The following STAT3 variants were observed in gnomAD, a reference collection of about 807,000 sequenced individuals.
The protein encoded by STAT3 is DNA-binding protein APRF.
A neutral mutation model predicts 114.3 loss-of-function variants in STAT3; 7 were observed. The observed-to-expected ratio is 0.06, with a 90% CI of 0.03 to 0.11. The LOEUF (loss-of-function observed/expected upper bound fraction) is 0.11, where lower values mean the gene tolerates loss of function less well. Ranked by LOEUF, STAT3 falls within the 10% of genes least tolerant of loss-of-function variation. STAT3 has a pLI of 1.00. For missense variants in STAT3, 364 were observed against 960.9 expected (o/e 0.38, Z 8.21); for synonymous variants, 331 against 354.5 (o/e 0.93, Z 0.74).
intron 1 of STAT3, among the ~76,000 whole-genome samples, chr17:42,376,291 A>G (rs2084454774): frequency 6.6e-6 from 1 of 152,236 alleles, no homozygotes; most frequent in Non-Finnish European, 1.5e-5. Context: ...TGAGCTTTAG[A>G]GTAAAAATCA....
chr17:42,365,653 T>TG (rs1002267910), intron 1 of STAT3, among the ~76,000 whole-genome samples: 1 of 118,622 alleles, frequency 8.4e-6, no homozygotes, highest in Non-Finnish European at 2.0e-5. Flanking sequence ...TTTTTTTTTG[T>TG]TTTTTTTTGT....
At chr17:42,339,956 G>A (rs560016027) in intron 4 of STAT3, among the ~76,000 whole-genome samples, 147 of 152,188 alleles carry the variant, frequency 9.7e-4, no homozygotes, top group African/African-American at 3.5e-3. Context: ...CTTGAGGCCA[G>A]GAGTTCAAAA....
chr17:42,330,447 T>G (rs980039981), intron 11 of STAT3, among the ~76,000 whole-genome samples: 2 of 146,188 alleles, frequency 1.4e-5, no homozygotes, highest in Admixed American at 1.4e-4. Flanking sequence ...TTTTTTTTTT[T>G]TTTGAGATGG....
Position 42,337,715 on chromosome 17 carries a change from G to A in STAT3, c.645+48C>T, listed in dbSNP as rs370370789. On this transcript the variant is annotated intron_variant, in intron 7 of 23. Transcript: ENST00000264657. The surrounding 1 kb of genome is among the most constrained non-coding windows in gnomAD (Gnocchi z 4.0). ...TTCTGCCACAAGACGCTGAAATCCC[G>A]CAAGTGAGCGAGACACATGGGGGAA... The A allele has an allele frequency of 2.4e-5, 39 of 1,612,408 alleles. No individual in the cohort carries two copies. Among genetic ancestry groups the A allele is most frequent in the South Asian group, 2.2e-4 (20 of 90,994 alleles).
At chr17:42,349,926 C>T (rs2082864024) in intron 1 of STAT3, among the ~76,000 whole-genome samples, 1 of 152,080 alleles carries the variant, frequency 6.6e-6, no homozygotes, top group Admixed American at 6.6e-5. Flanking sequence ...CGTGGTGGCA[C>T]ATGCCTGTAA....
chr17:42,331,920 C>A (rs2082026380), intron 10 of STAT3, among the ~76,000 whole-genome samples: 1 of 151,612 alleles, frequency 6.6e-6, no homozygotes, highest in African/African-American at 2.4e-5. Flanking sequence ...AGAGCGAGAT[C>A]CTATCTCTCT....
intron 1 of STAT3, among the ~76,000 whole-genome samples, chr17:42,381,551 C>T (rs990662405): frequency 5.9e-5 from 9 of 151,694 alleles, no homozygotes; most frequent in Non-Finnish European, 1.3e-4. Context: ...CGGTGAAACC[C>T]TGTCGCTACT....
chr17:42,350,224 G>T (rs1005360243), intron 1 of STAT3, among the ~76,000 whole-genome samples: 1 of 152,148 alleles, frequency 6.6e-6, no homozygotes, highest in Non-Finnish European at 1.5e-5. Context: ...GAGAAGGCAC[G>T]AAGAAGCACC....
chr17:42,370,008 G>A (rs2084020107), intron 1 of STAT3, among the ~76,000 whole-genome samples: 1 of 152,048 alleles, frequency 6.6e-6, no homozygotes, highest in Admixed American at 6.6e-5. Flanking sequence ...GTCTTGCTCT[G>A]TCGCCCAGAC....
At chr17:42,385,097 G>C (rs2145410464) in intron 1 of STAT3, among the ~76,000 whole-genome samples, 1 of 152,262 alleles carries the variant, frequency 6.6e-6, no homozygotes, top group Non-Finnish European at 1.5e-5. Context: ...CCATCTCTTT[G>C]ATGACAACAT....
chr17:42,385,107 T>C (rs900372336), intron 1 of STAT3, among the ~76,000 whole-genome samples: 2 of 152,190 alleles, frequency 1.3e-5, no homozygotes, highest in African/African-American at 4.8e-5. Flanking sequence ...GATGACAACA[T>C]GTTACATTGG....
At chr17:42,334,969 C>T (rs1405626439) in intron 8 of STAT3, among the ~76,000 whole-genome samples, 1 of 152,110 alleles carries the variant, frequency 6.6e-6, no homozygotes, top group East Asian at 1.9e-4. Flanking sequence ...CATAAAGACT[C>T]AGAAAAAGAG....
At chr17:42,334,100 T>C (rs765481108) in intron 8 of STAT3, 51 bp from the exon 9 acceptor site, 1 of 1,607,194 alleles carries the variant, frequency 6.2e-7, no homozygotes, top group South Asian at 1.1e-5. Context: ...TGTATACAGG[T>C]GAGATGGAGA....
chr17:42,334,439 C>CT (rs56055491), intron 8 of STAT3, among the ~76,000 whole-genome samples: 2,142 of 70,140 alleles, frequency 0.031, 93 homozygotes, highest in African/African-American at 0.078. Flanking sequence ...TGCGCCTGGC[C>CT]TTTTTTTTTT....
intron 21 of STAT3, among the ~76,000 whole-genome samples, chr17:42,318,340 TG>T (rs1318472343): frequency 1.3e-5 from 2 of 152,154 alleles, no homozygotes; most frequent in African/African-American, 4.8e-5. Context: ...TTGGCCAGGC[TG>T]GTCTTGAACT....
chr17:42,329,805 A>C, intron 11 of STAT3, 29 bp from the exon 12 acceptor site: 1 of 1,613,700 alleles, frequency 6.2e-7, no homozygotes, highest in Middle Eastern at 1.7e-4. Flanking sequence ...TTGTTAATAA[A>C]ATAGGCTCTG....
chr17:42,316,935 G>C, intron 22 of STAT3, 34 bp from the exon 23 acceptor site: 3 of 1,601,372 alleles, frequency 1.9e-6, no homozygotes, highest in Non-Finnish European at 2.6e-6. Context: ...GAGGGGAAAC[G>C]GGGGGTTGAC....
At chr17:42,373,090 G>A (rs142734173) in intron 1 of STAT3, among the ~76,000 whole-genome samples, 2 of 152,238 alleles carry the variant, frequency 1.3e-5, no homozygotes, top group East Asian at 1.9e-4. Flanking sequence ...AGTGGCTCAC[G>A]CCTGTAATCC....
At chr17:42,384,139 T>A (rs1262253830) in intron 1 of STAT3, among the ~76,000 whole-genome samples, 29 of 148,352 alleles carry the variant, frequency 2.0e-4, no homozygotes, top group Admixed American at 3.3e-4. Flanking sequence ...TTTATTTTTT[T>A]TTTTTTTGAG....
Sources: allele counts gnomAD v4.1 joint callset (sites outside exome capture counted in the v4.1 genomes callset), GRCh38; gene constraint gnomAD v4.1.1; non-coding constraint Gnocchi (gnomAD v3.1); transcripts MANE v1.5; gene names NCBI Gene and HGNC (gene_info 2026-07-23, HGNC 2026-07-21).